The following ZNF516 variants were observed in gnomAD, a reference collection of about 807,000 sequenced individuals.
ZNF516 encodes zinc finger protein 516.
A neutral mutation model predicts 79.7 loss-of-function variants in ZNF516; 19 were observed. The observed-to-expected ratio is 0.24, with a 90% CI of 0.17 to 0.35. The LOEUF is 0.35. Among genes scored for constraint, ZNF516 ranks in the 10% least tolerant of loss-of-function variants. ZNF516 has a pLI of 1.00. For synonymous variants in ZNF516, 877 were observed against 739.5 expected (o/e 1.19, Z -3.02); for missense variants, 1,678 against 1,679.5 (o/e 1.00, Z 0.02).
At chr18:76,432,153 G>A (rs147994607) in intron 3 of ZNF516, among the ~76,000 whole-genome samples, 1 of 152,360 alleles carries the variant, frequency 6.6e-6, no homozygotes, top group Non-Finnish European at 1.5e-5. Flanking sequence ...TCAAAATGTG[G>A]CGCCCACAGC....
intron 5 of ZNF516, 60 bp downstream of exon 5, chr18:76,371,407 G>C: frequency 6.7e-7 from 1 of 1,494,116 alleles, no homozygotes. Context: ...TCAAGCCACT[G>C]ACAGAAGAGA....
chr18:76,448,454 G>C (rs1912197538), intron 2 of ZNF516, among the ~76,000 whole-genome samples: 1 of 152,190 alleles, frequency 6.6e-6, no homozygotes, highest in African/African-American at 2.4e-5. Context: ...GTAAGCTGCT[G>C]AAACACTTCC....
At chr18:76,405,847 C>G (rs544369711) in intron 3 of ZNF516, among the ~76,000 whole-genome samples, 50 of 152,240 alleles carry the variant, frequency 3.3e-4, no homozygotes, top group Admixed American at 2.4e-3. Flanking sequence ...GGCGACTCAC[C>G]TTCCTTTGGA....
chr18:76,404,333 G>A (rs1568264102), intron 3 of ZNF516, among the ~76,000 whole-genome samples: 1 of 149,590 alleles, frequency 6.7e-6, no homozygotes, highest in East Asian at 2.0e-4. Context: ...TGTGGACCGT[G>A]TGTATGTGTG....
rs114121706 is a variant in ZNF516 at position 76,481,025 on chromosome 18, T to C, written c.-272+14119A>G. ...TTTAGGGAAAACGTTTGCTGACCCCTGCCCTGGAGTTTTGCAAATACAGAC... is the reference window on the plus strand; with the variant it reads ...TTTAGGGAAAACGTTTGCTGACCCCCGCCCTGGAGTTTTGCAAATACAGAC... On this transcript the variant is annotated intron_variant, in intron 1 of 6. Transcript: ENST00000443185. Among the ~76,000 whole-genome samples the C allele has an allele frequency of 4.4e-3, 668 of 152,286 alleles. 8 individuals carry two copies. Among genetic ancestry groups the C allele is most frequent in the African/African-American group, 0.016 (645 of 41,564 alleles).
chr18:76,375,807 T>G (rs1161932295), intron 4 of ZNF516, among the ~76,000 whole-genome samples: 79 of 99,636 alleles, frequency 7.9e-4, no homozygotes, highest in South Asian at 2.3e-3. Flanking sequence ...GTAGAGGATG[T>G]ATGGGAAGGC....
chr18:76,370,699 A>C (rs1419539386), intron 5 of ZNF516, 104 bp from the exon 6 acceptor site: 6 of 977,830 alleles, frequency 6.1e-6, no homozygotes, highest in Non-Finnish European at 7.1e-6. Flanking sequence ...AAAAGACACC[A>C]GCGCCTAGCC....
At chr18:76,415,861 G>T (rs1230002276) in intron 3 of ZNF516, among the ~76,000 whole-genome samples, 1 of 152,190 alleles carries the variant, frequency 6.6e-6, no homozygotes, top group Non-Finnish European at 1.5e-5. Flanking sequence ...TTAACAATGT[G>T]TATCTTCGAA....
Position 76,442,381 on chromosome 18 carries a change from G to A in ZNF516, c.674C>T (p.Thr225Ile). The change falls in exon 3 of 7, where the codon ACC (threonine) becomes ATC (isoleucine). Residue 225 changes from threonine (T) to isoleucine (I), a missense_variant. This residue lies in a region of ZNF516 where 279 missense variants were observed against 254.1 expected (regional missense o/e 1.10). Transcript: ENST00000443185. Reference sequence around the variant, plus strand: ...CTCGCCGCTGCCGGGCCCCTGCGCGGTGATGTGGTCCCTCTCGATGTGGCT... The same window carrying A: ...CTCGCCGCTGCCGGGCCCCTGCGCGATGATGTGGTCCCTCTCGATGTGGCT... ...LLSHIERDHITAQGPGSGEAC... is the reference protein window; with the variant it reads ...LLSHIERDHIIAQGPGSGEAC... The A allele has an allele frequency of 1.2e-6, 2 of 1,609,018 alleles. No homozygotes were observed. The highest frequency in any genetic ancestry group is 1.7e-6 in the Non-Finnish European group (2 of 1,179,580).
intron 3 of ZNF516, among the ~76,000 whole-genome samples, chr18:76,438,163 G>A (rs906462099): frequency 6.6e-6 from 1 of 152,258 alleles, no homozygotes; most frequent in African/African-American, 2.4e-5. Context: ...GCACTTCTCA[G>A]GATGGCACGA....
chr18:76,436,226 C>G (rs1213149518), intron 3 of ZNF516, among the ~76,000 whole-genome samples: 2 of 152,206 alleles, frequency 1.3e-5, no homozygotes, highest in African/African-American at 4.8e-5. Flanking sequence ...CCACCAAGAC[C>G]CCCTCAGAAT....
At chr18:76,382,765 G>T (rs573699098) in intron 3 of ZNF516, among the ~76,000 whole-genome samples, 15 of 152,214 alleles carry the variant, frequency 9.9e-5, no homozygotes, top group Non-Finnish European at 1.9e-4. Flanking sequence ...ACAAAAATTA[G>T]CTGGGCATGG....
At chr18:76,478,721 A>C (rs1027985922) in intron 1 of ZNF516, among the ~76,000 whole-genome samples, 1 of 152,162 alleles carries the variant, frequency 6.6e-6, no homozygotes, top group African/African-American at 2.4e-5. Context: ...TCTGTATCAA[A>C]GTTTATTAAA....
chr18:76,470,005 A>C (rs1309960447), intron 1 of ZNF516, among the ~76,000 whole-genome samples: 1 of 152,254 alleles, frequency 6.6e-6, no homozygotes, highest in Admixed American at 6.5e-5. Flanking sequence ...TAAATAATCT[A>C]CTGTTAAAAC....
At chr18:76,374,601 TCTCTG>T (rs954030160) in intron 4 of ZNF516, among the ~76,000 whole-genome samples, 20 of 152,278 alleles carry the variant, frequency 1.3e-4, no homozygotes, top group African/African-American at 4.6e-4. Flanking sequence ...ATAGCAACAT[TCTCTG>T]TATAAATGGA....
intron 3 of ZNF516, among the ~76,000 whole-genome samples, chr18:76,390,163 G>A (rs1366797670): frequency 6.6e-6 from 1 of 152,184 alleles, no homozygotes; most frequent in African/African-American, 2.4e-5. Context: ...GACCCCGGAG[G>A]CCTGTGCATT....
chr18:76,441,381 T>A lies in ZNF516; in HGVS notation c.1674A>T (p.Ser558=), dbSNP rs370323626. ...GDRAARARCG[S]LSEGDSASQP... ...GGGAGGCCGAGTCACCCTCACTGAG[T>A]GATCCGCAGCGGGCCCGCGCCGCCC... The change falls in exon 3 of 7, where the codon TCA becomes TCT. Residue 558 remains serine, a synonymous_variant. Coordinates refer to ENST00000443185, the MANE Select transcript of ZNF516 (RefSeq NM_014643.4). 9 of 1,610,432 alleles carry A rather than the reference T, an allele frequency of 5.6e-6. No individual in the cohort carries two copies. The African/African-American group carries it at 1.2e-4, about 21-fold the overall frequency.
chr18:76,430,643 G>A (rs966491533), intron 3 of ZNF516, among the ~76,000 whole-genome samples: 8 of 152,188 alleles, frequency 5.3e-5, no homozygotes, highest in South Asian at 4.1e-4. Context: ...AAATGGCACC[G>A]TGGAATTATC....
At chr18:76,377,735 A>C (rs1215973893) in intron 4 of ZNF516, among the ~76,000 whole-genome samples, 1 of 97,500 alleles carries the variant, frequency 1.0e-5, no homozygotes, top group African/African-American at 3.4e-5. Flanking sequence ...TTTTTTTTTG[A>C]GATGGAGTCT....
Sources: gnomAD v4.1 joint callset for allele counts (sites outside exome capture counted in the v4.1 genomes callset) on GRCh38, gnomAD v4.1.1 for gene constraint, gnomAD v4.1.1 regional missense constraint, MANE v1.5 for transcripts, NCBI Gene and HGNC (gene_info 2026-07-23, HGNC 2026-07-21) for gene names.